Variants in GGA2 observed in about 807,000 individuals in gnomAD.
GGA2 encodes the protein golgi associated, gamma adaptin ear containing, ARF binding protein 2.
A neutral mutation model predicts 79.5 loss-of-function variants in GGA2; 48 were observed. The ratio of observed to expected loss-of-function variants is 0.60; its 90% confidence interval spans 0.48 to 0.77. The LOEUF (loss-of-function observed/expected upper bound fraction) is 0.77, where lower values mean the gene tolerates loss of function less well. Among genes scored for constraint, GGA2 ranks in the 30% least tolerant of loss-of-function variants. GGA2 has a pLI of 0.00. For synonymous variants in GGA2, 317 were observed against 302.0 expected, an observed-to-expected ratio of 1.05 and a Z score of -0.51; for missense variants, 770 against 774.0, an observed-to-expected ratio of 0.99 and a Z score of 0.06.
upstream of GGA2, among the ~76,000 whole-genome samples, chr16:23,512,179 G>A (rs1965074400): frequency 6.6e-6 from 1 of 152,324 alleles, no homozygotes; most frequent in South Asian, 2.1e-4. Flanking sequence ...GGGACTTACG[G>A]GGTGGTCTAG....
In GGA2 at chr16:23,510,396, CCGCGGTCGCCGCCAT is replaced by C. The variant is rs1015231347; in HGVS notation, c.1_15del (p.MetAlaAlaThrAla1_?5). The stretch of plus-strand genomic sequence containing the variant: ...TCGGTTCCCGCCACAGCCGCCGCCA[CCGCGGTCGCCGCCAT>C]CGCTCCAGCCCCGACGCTGCGGCCG... On this transcript the variant is annotated start_lost and inframe_deletion, in exon 1 of 17. Coordinates refer to ENST00000309859, the MANE Select transcript of GGA2 (RefSeq NM_015044.4). 15 of 1,384,674 alleles carry C rather than the reference CCGCGGTCGCCGCCAT, an allele frequency of 1.1e-5. No individual in the cohort carries two copies. The highest frequency in any genetic ancestry group is 5.8e-5 in the Admixed American group (2 of 34,232). The allele number at this position is 1,384,674 out of a possible 1,614,324, so 85.8% of individuals were successfully genotyped here.
intron 9 of GGA2, among the ~76,000 whole-genome samples, chr16:23,481,297 C>T (rs1044679360): frequency 6.6e-6 from 1 of 152,168 alleles, no homozygotes; most frequent in Admixed American, 6.6e-5. Flanking sequence ...TGCTTAAACC[C>T]AGGAGACGGA....
In GGA2 at chr16:23,465,665, G is replaced by A. The variant is rs1419353238; in HGVS notation, c.*1925C>T. The A allele has an allele frequency of 8.7e-6, 4 of 457,760 alleles. No individual in the cohort carries two copies. Among genetic ancestry groups the A allele is most frequent in the Non-Finnish European group, 1.6e-5 (4 of 255,628 alleles). The allele number at this position is 457,760 out of a possible 1,614,324, so 28.4% of individuals were successfully genotyped here. A position where few individuals can be genotyped will look rare whatever the true frequency, so the allele number is the denominator to read the frequency against. On this transcript the variant is annotated 3_prime_UTR_variant, in exon 17 of 17. Coordinates refer to ENST00000309859, the MANE Select transcript of GGA2 (RefSeq NM_015044.4). ...CCTATAAAAGCTACACAGAGGCCGG[G>A]TGCGGTGGCTCACGCCTGTAATCCC... is the stretch of plus-strand genomic sequence containing the variant.
At chr16:23,473,525 A>G (rs1185666948) in intron 14 of GGA2, among the ~76,000 whole-genome samples, 1 of 151,214 alleles carries the variant, frequency 6.6e-6, no homozygotes, top group East Asian at 1.9e-4. Context: ...TTAGGGTTTC[A>G]CCATGTTGGC....
intron 1 of GGA2, among the ~76,000 whole-genome samples, chr16:23,498,975 G>C (rs370749380): frequency 3.3e-5 from 5 of 152,216 alleles, no homozygotes; most frequent in African/African-American, 9.6e-5. Context: ...CATGTGACTG[G>C]ACCTGGAGGG....
At chr16:23,519,092 A>G in intron 2 of GGA2, among the ~76,000 whole-genome samples, 1 of 132,800 alleles carries the variant, frequency 7.5e-6, no homozygotes, top group Admixed American at 8.6e-5. Flanking sequence ...CCCTGGCTGG[A>G]GTACAGTGGC....
intron 4 of GGA2, 26 bp downstream of exon 4, chr16:23,493,334 C>G: frequency 7.4e-7 from 1 of 1,358,004 alleles, no homozygotes; most frequent in Non-Finnish European, 1.1e-6. Context: ...GCGACACAGT[C>G]AGCAGAGCCA....
At chr16:23,497,884 A>G (rs113612998) in intron 1 of GGA2, among the ~76,000 whole-genome samples, 1 of 152,228 alleles carries the variant, frequency 6.6e-6, no homozygotes, top group African/African-American at 2.4e-5. Flanking sequence ...CTATGATCCC[A>G]GCACTCTGGG....
intron 3 of GGA2, 75 bp downstream of exon 3, chr16:23,494,228 T>C (rs1270021168): frequency 1.1e-6 from 1 of 951,462 alleles, no homozygotes; most frequent in East Asian, 2.4e-5. Flanking sequence ...AGGATCTGTG[T>C]GGAAGCAAAG....
chr16:23,510,387 CCGCCGCCACCGCGGT>C lies in GGA2; in HGVS notation c.10_24del (p.Thr4_Ala8del), dbSNP rs1446407351. On this transcript the variant is annotated inframe_deletion, in exon 1 of 17. Coordinates refer to ENST00000309859, the MANE Select transcript of GGA2 (RefSeq NM_015044.4). The stretch of plus-strand genomic sequence containing the variant: ...TGGGCCGACTCGGTTCCCGCCACAG[CCGCCGCCACCGCGGT>C]CGCCGCCATCGCTCCAGCCCCGACG... 5.0e-6 allele frequency: 7 copies of C among 1,398,862 alleles called. No homozygotes were observed. The Admixed American group carries it at 8.6e-5, about 17-fold the overall frequency. 86.7% of individuals were successfully genotyped at this position (1,398,862 alleles called of 1,614,324 possible). A position where few individuals can be genotyped will look rare whatever the true frequency, so the allele number is the denominator to read the frequency against.
In GGA2 at chr16:23,468,997, C is replaced by CT. The variant is rs1406496235; in HGVS notation, c.1621-2dup. The CT allele has an allele frequency of 6.3e-7, 1 of 1,589,428 alleles. No individual in the cohort carries two copies. The highest frequency in any genetic ancestry group is 1.7e-5 in the Admixed American group (1 of 59,974). ...CCGGCTGCAGCTTCACTCTCATTGA[C>CT]TATCAGGGGAAGAAAACCAACATGT... On this transcript the variant is annotated splice_acceptor_variant, in intron 15 of 16. Coordinates refer to ENST00000309859, the MANE Select transcript of GGA2 (RefSeq NM_015044.4). LOFTEE classifies it high-confidence loss of function.
At chr16:23,503,582 G>A (rs913431048) in intron 1 of GGA2, among the ~76,000 whole-genome samples, 15 of 152,236 alleles carry the variant, frequency 9.9e-5, no homozygotes, top group African/African-American at 3.6e-4. Flanking sequence ...TACTTACGAT[G>A]AGTTTATTAT....
chr16:23,467,368 TG>T lies in GGA2; in HGVS notation c.*221del, dbSNP rs1377977202. 2.5e-5 allele frequency: 11 copies of T among 438,734 alleles called. 1 individual carries two copies. The highest frequency in any genetic ancestry group is 4.0e-5 in the Non-Finnish European group (10 of 250,322). The allele number at this position is 438,734 out of a possible 1,614,324, so 27.2% of individuals were successfully genotyped here. On this transcript the variant is annotated 3_prime_UTR_variant, in exon 17 of 17. Transcript: ENST00000309859. The stretch of plus-strand genomic sequence containing the variant: ...CACACTGCCGATATCCCAAGCCCTG[TG>T]CTACCACCCTCTCCCCGAACACACA...
In GGA2 at chr16:23,465,076, A is replaced by G. The variant is rs1157673331; in HGVS notation, c.*2514T>C. On this transcript the variant is annotated 3_prime_UTR_variant, in exon 17 of 17. Coordinates refer to ENST00000309859, the MANE Select transcript of GGA2 (RefSeq NM_015044.4). ...TGAGTGCCAGATCTCCAGCACACAC[A>G]TCATGAATTTGCTTCTCCCCAGAGG... The G allele has an allele frequency of 1.3e-5, 7 of 544,714 alleles. No homozygotes were observed. In the East Asian group the frequency reaches 2.2e-4, roughly 17 times the overall value. 33.7% of individuals were successfully genotyped at this position (544,714 alleles called of 1,614,324 possible). A position where few individuals can be genotyped will look rare whatever the true frequency, so the allele number is the denominator to read the frequency against.
chr16:23,482,692 T>TG (rs1964662788), intron 9 of GGA2, among the ~76,000 whole-genome samples: 1 of 152,164 alleles, frequency 6.6e-6, no homozygotes, highest in Admixed American at 6.5e-5. Flanking sequence ...CCAATCTCCA[T>TG]GGTCAATTTC....
upstream of GGA2, among the ~76,000 whole-genome samples, chr16:23,512,001 T>C (rs972179201): frequency 6.6e-6 from 1 of 151,894 alleles, no homozygotes; most frequent in African/African-American, 2.4e-5. Context: ...ATGAGACTTC[T>C]CAAAGACAAA....
intron 1 of GGA2, among the ~76,000 whole-genome samples, chr16:23,520,609 T>C (rs1337582616): frequency 1.3e-5 from 2 of 151,410 alleles, no homozygotes; most frequent in African/African-American, 4.9e-5. Flanking sequence ...TGAAATATAA[T>C]TGTGCCACTG....
intron 13 of GGA2, among the ~76,000 whole-genome samples, chr16:23,476,756 G>A (rs1964580880): frequency 6.6e-6 from 1 of 152,146 alleles, no homozygotes; most frequent in African/African-American, 2.4e-5. Context: ...TTTGCACTTT[G>A]TTGTATGTTT....
intron 13 of GGA2, among the ~76,000 whole-genome samples, chr16:23,478,069 C>G (rs1419811255): frequency 6.6e-6 from 1 of 151,364 alleles, no homozygotes; most frequent in African/African-American, 2.4e-5. Context: ...CATGGTGGCG[C>G]GTGCCTGTAA....
Sources: gnomAD v4.1 joint callset for allele counts (sites outside exome capture counted in the v4.1 genomes callset) on GRCh38, gnomAD v4.1.1 for gene constraint, MANE v1.5 for transcripts, NCBI Gene and HGNC (gene_info 2026-07-23, HGNC 2026-07-21) for gene names.